Variants in KBTBD12 observed in about 807,000 individuals in gnomAD.
KBTBD12 encodes kelch repeat and BTB domain containing 12.
A neutral mutation model predicts 58.7 loss-of-function variants in KBTBD12; 53 were observed. The observed-to-expected ratio is 0.90, with a 90% CI of 0.72 to 1.14. The LOEUF (loss-of-function observed/expected upper bound fraction) is 1.14. Ranked by LOEUF, KBTBD12 falls within the 50% of genes most tolerant of loss-of-function variation. The pLI is 0.00. For synonymous variants in KBTBD12, 236 were observed against 259.8 expected, an observed-to-expected ratio of 0.91 and a Z score of 0.88; for missense variants, 704 against 751.3, an observed-to-expected ratio of 0.94 and a Z score of 0.74.
intron 4 of KBTBD12, among the ~76,000 whole-genome samples, chr3:127,956,814 C>T (rs1222451154): frequency 6.6e-6 from 1 of 152,144 alleles, no homozygotes; most frequent in Non-Finnish European, 1.5e-5. Context: ...AGAAAACATG[C>T]CAATAACAAG....
In KBTBD12 at chr3:127,956,358, TA is replaced by T. The variant is rs1487915014; in HGVS notation, c.1493-6826del. Among the ~76,000 whole-genome samples the T allele has an allele frequency of 5.3e-5, 8 of 152,152 alleles. No individual in the cohort carries two copies. The East Asian group carries it at 1.5e-3, about 29-fold the overall frequency. ...TCTATATATTATTGTGACAGTGAGT[TA>T]AAAATTACACTTTATTCCATCAGTG... On this transcript the variant is annotated intron_variant, in intron 4 of 5. Transcript: ENST00000405109.
At chr3:127,939,446 T>G (rs1349772955) in intron 4 of KBTBD12, among the ~76,000 whole-genome samples, 4 of 152,080 alleles carry the variant, frequency 2.6e-5, no homozygotes, top group Non-Finnish European at 5.9e-5. Flanking sequence ...TGTATTTAGG[T>G]GTAATCTATG....
chr3:127,938,209 G>A (rs944428266), intron 4 of KBTBD12, among the ~76,000 whole-genome samples: 2 of 152,034 alleles, frequency 1.3e-5, no homozygotes, highest in Admixed American at 1.3e-4. Context: ...ATATTAAATT[G>A]ACTTATAAAA....
intron 4 of KBTBD12, among the ~76,000 whole-genome samples, chr3:127,949,891 C>T (rs370252945): frequency 6.6e-6 from 1 of 152,124 alleles, no homozygotes. Flanking sequence ...GGGGAAGGAG[C>T]TGGAAATCAA....
chr3:127,926,483 G>A (rs1363051242), intron 2 of KBTBD12, among the ~76,000 whole-genome samples: 5 of 152,074 alleles, frequency 3.3e-5, no homozygotes, highest in African/African-American at 1.2e-4. Context: ...TTGGTTCTCT[G>A]CCTAGAATTA....
intron 5 of KBTBD12, 88 bp from the exon 6 acceptor site, chr3:127,984,009 T>C (rs986794116): frequency 2.0e-6 from 2 of 1,011,800 alleles, no homozygotes; most frequent in African/African-American, 3.2e-5. Flanking sequence ...ACATTGCCTT[T>C]TGGAGGAAGT....
chr3:127,924,258 T>C (rs1046640154), intron 2 of KBTBD12, 127 bp downstream of exon 2: 2 of 584,386 alleles, frequency 3.4e-6, no homozygotes, highest in Non-Finnish European at 6.0e-6. Context: ...ACATCTCCCA[T>C]AAGGAATAGT....
At position 127,922,997 on chromosome 3, in the gene KBTBD12, A is replaced by G; in HGVS notation, c.-65A>G. On this transcript the variant is annotated 5_prime_UTR_variant, in exon 2 of 6. Coordinates refer to ENST00000405109, the MANE Select transcript of KBTBD12 (RefSeq NM_207335.4). ...AGCTTCATGAGTAATCAGACATGCA[A>G]ATAGCCCCTCAGGAATCAAGCTACA... 1 of 900,986 alleles carries G rather than the reference A, an allele frequency of 1.1e-6. No homozygotes were observed. Among genetic ancestry groups the G allele is most frequent in the Non-Finnish European group, 1.8e-6 (1 of 570,962 alleles). The allele number at this position is 900,986 out of a possible 1,614,324, so 55.8% of individuals were successfully genotyped here. A position where few individuals can be genotyped will look rare whatever the true frequency, so the allele number is the denominator to read the frequency against.
At chr3:127,916,392 G>A (rs1045811297) in intron 1 of KBTBD12, among the ~76,000 whole-genome samples, 2 of 152,172 alleles carry the variant, frequency 1.3e-5, no homozygotes, top group Non-Finnish European at 2.9e-5. Context: ...ACAAAATAGG[G>A]TGTGGAGACG....
intron 3 of KBTBD12, among the ~76,000 whole-genome samples, chr3:127,929,465 C>T (rs761635560): frequency 1.3e-5 from 2 of 152,032 alleles, no homozygotes; most frequent in Non-Finnish European, 2.9e-5. Context: ...ATTATTTCAC[C>T]TAACATTTAT....
At chr3:127,929,410 T>C (rs1939649300) in intron 3 of KBTBD12, among the ~76,000 whole-genome samples, 1 of 152,176 alleles carries the variant, frequency 6.6e-6, no homozygotes, top group African/African-American at 2.4e-5. Context: ...CATGAATCCT[T>C]AGCTTGAAGT....
At chr3:127,943,848 G>T (rs1361624460) in intron 4 of KBTBD12, among the ~76,000 whole-genome samples, 1 of 151,950 alleles carries the variant, frequency 6.6e-6, no homozygotes, top group Non-Finnish European at 1.5e-5. Flanking sequence ...AATCCATTTT[G>T]AGTTGCTTTT....
At chr3:127,919,919 T>C (rs1376852751) in intron 1 of KBTBD12, among the ~76,000 whole-genome samples, 2 of 152,198 alleles carry the variant, frequency 1.3e-5, no homozygotes, top group Non-Finnish European at 2.9e-5. Context: ...ATTTAAGATA[T>C]ACAAAGAGGC....
intron 4 of KBTBD12, among the ~76,000 whole-genome samples, chr3:127,943,670 T>C (rs1940008909): frequency 6.6e-6 from 1 of 152,114 alleles, no homozygotes; most frequent in Non-Finnish European, 1.5e-5. Context: ...TTTTCTTTTC[T>C]ATACAGAAGC....
At chr3:127,937,239 A>G (rs1392895346) in intron 4 of KBTBD12, among the ~76,000 whole-genome samples, 1 of 152,168 alleles carries the variant, frequency 6.6e-6, no homozygotes, top group Non-Finnish European at 1.5e-5. Context: ...ACATACTGGA[A>G]GTGTCAGACA....
chr3:127,954,083 T>C (rs1940268809), intron 4 of KBTBD12, among the ~76,000 whole-genome samples: 1 of 152,136 alleles, frequency 6.6e-6, no homozygotes, highest in Admixed American at 6.5e-5. Flanking sequence ...ACCACTGACA[T>C]GCAGGAGGAG....
chr3:127,944,876 G>C (rs1480259520), intron 4 of KBTBD12, among the ~76,000 whole-genome samples: 5 of 151,522 alleles, frequency 3.3e-5, no homozygotes, highest in African/African-American at 4.8e-5. Context: ...TTTATTTTTT[G>C]TTATTTATTT....
At chr3:127,970,470 T>C (rs927291311) in intron 5 of KBTBD12, among the ~76,000 whole-genome samples, 3 of 152,178 alleles carry the variant, frequency 2.0e-5, no homozygotes, top group Admixed American at 2.0e-4. Context: ...TGTACCTGAA[T>C]GTTCACAGCA....
At chr3:127,949,782 T>C (rs1170428845) in intron 4 of KBTBD12, among the ~76,000 whole-genome samples, 1 of 152,202 alleles carries the variant, frequency 6.6e-6, no homozygotes, top group Non-Finnish European at 1.5e-5. Context: ...GTAAGGGAGA[T>C]GAGGCTGCTG....
Sources: allele counts gnomAD v4.1 joint callset (sites outside exome capture counted in the v4.1 genomes callset), GRCh38; gene constraint gnomAD v4.1.1; transcripts MANE v1.5; gene names NCBI Gene and HGNC (gene_info 2026-07-23, HGNC 2026-07-21).